The following INSL6 variants were observed in gnomAD, a reference collection of about 807,000 sequenced individuals.
INSL6 encodes the protein insulin like 6.
A neutral mutation model predicts 9.4 loss-of-function variants in INSL6; 16 were observed. The ratio of observed to expected loss-of-function variants is 1.70; its 90% CI spans 1.15 to 2.59. INSL6 has a LOEUF of 2.59. Ranked by LOEUF, INSL6 falls within the 30% of genes most tolerant of loss-of-function variation. The pLI is 0.00. For missense variants in INSL6, 391 were observed against 257.3 expected (o/e 1.52, Z -3.56); for synonymous variants, 154 against 96.9 (o/e 1.59, Z -3.46).
the INSL6 span, among the ~76,000 whole-genome samples, chr9:5,062,775 A>AATAATGCTGTCCTGTTAT: frequency 1.2e-4 from 18 of 152,154 alleles, no homozygotes; most frequent in Non-Finnish European, 2.1e-4. Flanking sequence ...CAATGGGCAA[A>AATAATGCTGTCCTGTTAT]ATAATGCTGT....
At chr9:5,088,849 C>CTAAT in the INSL6 span, among the ~76,000 whole-genome samples, 1,369 of 152,222 alleles carry the variant, frequency 9.0e-3, 17 homozygotes, top group African/African-American at 0.03. Flanking sequence ...CCCTTATAAC[C>CTAAT]TAATTTAACT....
At chr9:5,016,890 A>G in the INSL6 span, among the ~76,000 whole-genome samples, 1 of 152,238 alleles carries the variant, frequency 6.6e-6, no homozygotes, top group Admixed American at 6.5e-5. Context: ...AGAGGGAATA[A>G]CAAAGAAGTA....
At chr9:5,148,148 C>G (rs1824638880) in intron 2 of INSL6, among the ~76,000 whole-genome samples, 1 of 152,178 alleles carries the variant, frequency 6.6e-6, no homozygotes, top group Non-Finnish European at 1.5e-5. Context: ...CTGATTCTTT[C>G]TCATCTGGGA....
At chr9:5,042,988 G>A in the INSL6 span, among the ~76,000 whole-genome samples, 4 of 152,222 alleles carry the variant, frequency 2.6e-5, no homozygotes, top group African/African-American at 9.6e-5. Flanking sequence ...GAAGCTGAGG[G>A]GGGTGGGCCG....
At chr9:5,011,963 C>T in the INSL6 span, among the ~76,000 whole-genome samples, 1 of 152,232 alleles carries the variant, frequency 6.6e-6, no homozygotes, top group African/African-American at 2.4e-5. Flanking sequence ...AATCCTGACT[C>T]TCCAGGACCA....
chr9:5,148,046 A>C (rs1021959550), intron 2 of INSL6, among the ~76,000 whole-genome samples: 4 of 152,212 alleles, frequency 2.6e-5, no homozygotes, highest in African/African-American at 9.6e-5. Flanking sequence ...ATTTCAGACA[A>C]TTCAGACTGG....
chr9:5,040,972 G>A, the INSL6 span: 2 of 581,776 alleles, frequency 3.4e-6, no homozygotes, highest in South Asian at 1.6e-5. Flanking sequence ...AAACAAATAT[G>A]TGGCTATCAA....
the INSL6 span, chr9:5,041,604 G>A: frequency 4.0e-5 from 20 of 496,538 alleles, no homozygotes; most frequent in African/African-American, 1.0e-4. Flanking sequence ...TGAGAAGCCC[G>A]ACTGTGACTA....
chr9:5,029,582 A>G, the INSL6 span, among the ~76,000 whole-genome samples: 10 of 152,220 alleles, frequency 6.6e-5, no homozygotes, highest in African/African-American at 9.7e-5. Context: ...AGGGTGCACT[A>G]AAATGAAGTA....
At chr9:5,165,349 C>G (rs1303751323) in intron 1 of INSL6, among the ~76,000 whole-genome samples, 1 of 152,158 alleles carries the variant, frequency 6.6e-6, no homozygotes, top group East Asian at 1.9e-4. Context: ...TTTTGAGGAA[C>G]TGCCAAACTT....
the INSL6 span, among the ~76,000 whole-genome samples, chr9:5,034,696 C>G: frequency 3.6e-3 from 543 of 151,948 alleles, 3 homozygotes; most frequent in African/African-American, 0.013. Context: ...CCAACGAGAA[C>G]AAAGACACAA....
the INSL6 span, among the ~76,000 whole-genome samples, chr9:5,018,577 A>G: frequency 1.1e-4 from 17 of 152,042 alleles, no homozygotes; most frequent in African/African-American, 3.9e-4. Context: ...GGGCTCAAGC[A>G]GTCTGCCTGC....
At chr9:5,017,825 T>C in the INSL6 span, among the ~76,000 whole-genome samples, 1 of 152,248 alleles carries the variant, frequency 6.6e-6, no homozygotes, top group Non-Finnish European at 1.5e-5. Flanking sequence ...TTTTGATACA[T>C]TAGAAGTTCT....
At chr9:5,135,944 T>G (rs894259748) in intron 2 of INSL6, among the ~76,000 whole-genome samples, 4 of 152,046 alleles carry the variant, frequency 2.6e-5, no homozygotes, top group Admixed American at 2.6e-4. Context: ...AAAGGGGATA[T>G]CACCATCAAT....
Position 5,168,226 on chromosome 9 carries a change from T to C in INSL6, c.290-3961A>G, listed in dbSNP as rs952478791. On this transcript the variant is annotated intron_variant, in intron 1 of 1. Transcript: ENST00000381641. ...GCACAGAACCGGGCTGAGTCAGAGA[T>C]AGATAAATTGACAGAAGTAAGCTTC... Among the ~76,000 whole-genome samples the C allele has an allele frequency of 4.6e-5, 7 of 151,978 alleles. No homozygotes were observed. In the East Asian group the frequency reaches 5.8e-4, roughly 13 times the overall value.
chr9:5,174,927 T>C (rs200689448), intron 1 of INSL6, among the ~76,000 whole-genome samples: 2 of 151,808 alleles, frequency 1.3e-5, no homozygotes, highest in East Asian at 3.9e-4. Context: ...GAATTAACAA[T>C]GTTTTGGAGT....
chr9:5,039,706 A>C, the INSL6 span, among the ~76,000 whole-genome samples: 1 of 152,188 alleles, frequency 6.6e-6, no homozygotes, highest in South Asian at 2.1e-4. Flanking sequence ...GAACAATCCA[A>C]AAATGAAATT....
At chr9:5,111,061 G>C in the INSL6 span, 4 of 1,148,740 alleles carry the variant, frequency 3.5e-6, no homozygotes, top group Admixed American at 2.0e-5. Flanking sequence ...TTCAGGTCTT[G>C]AGAACTGGCC....
the INSL6 span, among the ~76,000 whole-genome samples, chr9:5,032,951 C>A: frequency 6.6e-6 from 1 of 152,060 alleles, no homozygotes; most frequent in Admixed American, 6.5e-5. Flanking sequence ...CTACTCCAAG[C>A]TAAAGGAGGA....
Sources: allele counts gnomAD v4.1 joint callset (sites outside exome capture counted in the v4.1 genomes callset), GRCh38; gene constraint gnomAD v4.1.1; transcripts MANE v1.5; gene names NCBI Gene and HGNC (gene_info 2026-07-23, HGNC 2026-07-21).